KLHL32: variants seen among roughly 807,000 people sequenced by gnomAD.
KLHL32 encodes the protein kelch-like protein 32.
Under a neutral mutation model 64.8 loss-of-function variants are expected in KLHL32, and 35 were observed. That is an observed-to-expected ratio of 0.54 (90% CI 0.41 to 0.72). KLHL32 has a LOEUF of 0.72. KLHL32 is among the 30% of genes least tolerant of loss of function. The pLI is 0.00. For synonymous variants in KLHL32, 259 were observed against 281.0 expected (o/e 0.92, Z 0.78); for missense variants, 589 against 768.5 (o/e 0.77, Z 2.76).
chr6:96,991,291 G>C (rs766408157), intron 3 of KLHL32, among the ~76,000 whole-genome samples: 31 of 152,142 alleles, frequency 2.0e-4, no homozygotes, highest in Admixed American at 1.4e-3. Context: ...TGGGGTGTCT[G>C]CTCTGCAATT....
chr6:97,079,272 G>C (rs1472174211), intron 5 of KLHL32, among the ~76,000 whole-genome samples: 1 of 152,100 alleles, frequency 6.6e-6, no homozygotes, highest in African/African-American at 2.4e-5. Context: ...CTGCAGATGA[G>C]ACCCACCAGG....
chr6:97,032,749 G>T (rs192405788), intron 3 of KLHL32, among the ~76,000 whole-genome samples: 1 of 152,278 alleles, frequency 6.6e-6, no homozygotes, highest in East Asian at 1.9e-4. Flanking sequence ...ATAAAAAGCA[G>T]ACACTGAAAA....
At chr6:97,137,548 T>C (rs867952434) in intron 10 of KLHL32, among the ~76,000 whole-genome samples, 26 of 152,154 alleles carry the variant, frequency 1.7e-4, no homozygotes, top group Middle Eastern at 6.8e-3. Context: ...TCTTTTTTTT[T>C]CCCCCAGACG....
At chr6:97,071,059 T>A (rs1195748820) in intron 5 of KLHL32, among the ~76,000 whole-genome samples, 1 of 152,170 alleles carries the variant, frequency 6.6e-6, no homozygotes, top group East Asian at 1.9e-4. Flanking sequence ...CTGGCACTTT[T>A]CTTTCAGTTT....
At chr6:97,019,082 T>C (rs914068539) in intron 3 of KLHL32, among the ~76,000 whole-genome samples, 2 of 152,152 alleles carry the variant, frequency 1.3e-5, no homozygotes, top group African/African-American at 4.8e-5. Context: ...TGTAACAAAA[T>C]TGATAATCTA....
At chr6:97,006,216 A>G (rs1448171456) in intron 3 of KLHL32, among the ~76,000 whole-genome samples, 1 of 152,072 alleles carries the variant, frequency 6.6e-6, no homozygotes, top group African/African-American at 2.4e-5. Context: ...CATATTTAGG[A>G]TAGTTAGGTC....
At chr6:96,999,915 C>T (rs943565926) in intron 3 of KLHL32, among the ~76,000 whole-genome samples, 5 of 152,090 alleles carry the variant, frequency 3.3e-5, no homozygotes, top group Admixed American at 1.3e-4. Flanking sequence ...AAAACATCAC[C>T]ACTACAGCTT....
intron 3 of KLHL32, among the ~76,000 whole-genome samples, chr6:96,979,544 T>C (rs1284254988): frequency 6.6e-6 from 1 of 152,224 alleles, no homozygotes; most frequent in African/African-American, 2.4e-5. Flanking sequence ...ATTGTAGCCT[T>C]GTAGTATAGT....
intron 2 of KLHL32, among the ~76,000 whole-genome samples, chr6:96,970,072 A>T (rs1191902512): frequency 2.0e-5 from 3 of 152,114 alleles, no homozygotes; most frequent in Admixed American, 6.6e-5. Flanking sequence ...AGACCTGTAG[A>T]TTTTCCCACT....
At chr6:97,088,711 T>C (rs1793790006) in intron 6 of KLHL32, among the ~76,000 whole-genome samples, 1 of 152,218 alleles carries the variant, frequency 6.6e-6, no homozygotes, top group South Asian at 2.1e-4. Flanking sequence ...ACCTTGAATC[T>C]AAACAATCCT....
At chr6:96,909,722 G>C in the KLHL32 span, among the ~76,000 whole-genome samples, 6 of 152,188 alleles carry the variant, frequency 3.9e-5, no homozygotes, top group Non-Finnish European at 5.9e-5. Flanking sequence ...TCCAACATTT[G>C]AGAGCTAACC....
chr6:96,904,339 C>CA, the KLHL32 span, among the ~76,000 whole-genome samples: 251 of 106,044 alleles, frequency 2.4e-3, no homozygotes, highest in Non-Finnish European at 3.7e-3. Context: ...AAGACTTTGT[C>CA]AAAAAAAAAA....
intron 3 of KLHL32, among the ~76,000 whole-genome samples, chr6:97,039,901 T>C (rs1784878305): frequency 6.6e-6 from 1 of 152,062 alleles, no homozygotes. Context: ...GTTTTAAGCA[T>C]AAAGAAAAGA....
the KLHL32 span, among the ~76,000 whole-genome samples, chr6:96,898,645 T>G: frequency 1.3e-5 from 2 of 152,162 alleles, no homozygotes; most frequent in African/African-American, 4.8e-5. Flanking sequence ...TCTTCATTCT[T>G]TTTAAGCCTC....
chr6:97,073,366 G>T (rs1185762444), intron 5 of KLHL32, among the ~76,000 whole-genome samples: 1 of 152,106 alleles, frequency 6.6e-6, no homozygotes, highest in Non-Finnish European at 1.5e-5. Context: ...CTTTCTTTCT[G>T]CCTCTGAAAT....
At chr6:96,979,571 T>C (rs1187828252) in intron 3 of KLHL32, among the ~76,000 whole-genome samples, 1 of 152,296 alleles carries the variant, frequency 6.6e-6, no homozygotes, top group East Asian at 1.9e-4. Context: ...TTGGGTAATG[T>C]GACTTCAAAC....
upstream of KLHL32, among the ~76,000 whole-genome samples, chr6:96,921,920 G>A (rs1768766565): frequency 6.6e-6 from 1 of 152,252 alleles, no homozygotes; most frequent in East Asian, 1.9e-4. Flanking sequence ...GCTTATCAAA[G>A]TATATTAAGA....
intron 2 of KLHL32, among the ~76,000 whole-genome samples, chr6:96,972,224 C>T (rs1322784114): frequency 6.6e-6 from 1 of 152,118 alleles, no homozygotes; most frequent in Non-Finnish European, 1.5e-5. Context: ...ATAATTTAAA[C>T]ATGTAATCAG....
chr6:97,100,523 A>G (rs1397661337), intron 6 of KLHL32, among the ~76,000 whole-genome samples: 2 of 152,108 alleles, frequency 1.3e-5, no homozygotes, highest in Non-Finnish European at 2.9e-5. Context: ...TCTGTGCCCC[A>G]TGGCTCTAAA....
Sources: allele counts gnomAD v4.1 joint callset (sites outside exome capture counted in the v4.1 genomes callset), GRCh38; gene constraint gnomAD v4.1.1; transcripts MANE v1.5; gene names NCBI Gene and HGNC (gene_info 2026-07-23, HGNC 2026-07-21).